Variants in SPECC1L observed in about 807,000 individuals in gnomAD.
SPECC1L encodes sperm antigen with calponin homology and coiled-coil domains 1 like.
In SPECC1L, 40 loss-of-function variants were observed where a neutral mutation model predicts 116.8. The observed-to-expected ratio is 0.34, with a 90% CI of 0.27 to 0.45. The LOEUF (loss-of-function observed/expected upper bound fraction) is 0.45, where lower values mean the gene tolerates loss of function less well. SPECC1L is among the 20% of genes least tolerant of loss of function. SPECC1L has a pLI of 1.00. For synonymous variants in SPECC1L, 504 were observed against 500.6 expected (o/e 1.01, Z -0.09); for missense variants, 1,110 against 1,373.6 (o/e 0.81, Z 3.03).
At chr22:24,284,032 A>G (rs1174842132) in intron 2 of SPECC1L, among the ~76,000 whole-genome samples, 1 of 152,030 alleles carries the variant, frequency 6.6e-6, no homozygotes, top group African/African-American at 2.4e-5. Flanking sequence ...TGATCCTCTC[A>G]ACCCATTTTT....
chr22:24,313,142 T>C (rs1201203022), intron 3 of SPECC1L, among the ~76,000 whole-genome samples, 171 bp from the exon 4 acceptor site: 1 of 152,232 alleles, frequency 6.6e-6, no homozygotes, highest in Non-Finnish European at 1.5e-5. Flanking sequence ...TATAAACCTA[T>C]AAAGAAGTTC....
At chr22:24,344,552 C>T (rs2041249480) in intron 10 of SPECC1L, among the ~76,000 whole-genome samples, 1 of 145,138 alleles carries the variant, frequency 6.9e-6, no homozygotes, top group Admixed American at 7.0e-5. Context: ...TTTTGTTCAG[C>T]ATTTTGCTGG....
In SPECC1L at chr22:24,412,708, G is replaced by A; in HGVS notation, c.3264+1G>A. ...AAGTGTCGGCATCAAATCCACACTG[G>A]TGAGCCCTTGTCCCCCTGAGTCACT... On this transcript the variant is annotated splice_donor_variant, in intron 16 of 16. Coordinates refer to ENST00000314328, the MANE Select transcript of SPECC1L (RefSeq NM_015330.6). LOFTEE classifies it high-confidence loss of function. 1 of 1,614,060 alleles carries A rather than the reference G, an allele frequency of 6.2e-7. No homozygotes were observed. Among genetic ancestry groups the A allele is most frequent in the Non-Finnish European group, 8.5e-7 (1 of 1,180,016 alleles).
intron 14 of SPECC1L, among the ~76,000 whole-genome samples, chr22:24,406,456 A>G (rs540054842): frequency 3.7e-4 from 57 of 152,322 alleles, no homozygotes; most frequent in Admixed American, 3.7e-3. Context: ...AAGGAGGCTG[A>G]GGCTCCAAGA....
At chr22:24,388,606 TG>T (rs1358355189) in intron 14 of SPECC1L, among the ~76,000 whole-genome samples, 5 of 152,106 alleles carry the variant, frequency 3.3e-5, no homozygotes, top group Non-Finnish European at 7.4e-5. Flanking sequence ...TATCCAGTAA[TG>T]GGATGGCTGG....
intron 14 of SPECC1L, among the ~76,000 whole-genome samples, chr22:24,371,431 C>T (rs759306670): frequency 2.6e-5 from 4 of 152,034 alleles, no homozygotes; most frequent in Non-Finnish European, 4.4e-5. Flanking sequence ...TGGGCAGCAT[C>T]GGGAGGCCCT....
intron 16 of SPECC1L, among the ~76,000 whole-genome samples, chr22:24,414,259 T>G (rs1228127064): frequency 6.6e-6 from 1 of 152,090 alleles, no homozygotes; most frequent in Non-Finnish European, 1.5e-5. Context: ...AGGAAGTTCC[T>G]CCGCCCAGAC....
chr22:24,400,613 ACT>A (rs2042454686), intron 14 of SPECC1L, among the ~76,000 whole-genome samples: 1 of 151,912 alleles, frequency 6.6e-6, no homozygotes, highest in East Asian at 1.9e-4. Context: ...CCGTATATTA[ACT>A]CTGTGTTTAA....
rs567301085 is a variant in SPECC1L, at chr22:24,395,796, G to A, written c.3088-15792G>A. ...GGGATCAACAGGCATGCACCACCAC[G>A]TCTGGCTAATTTTTTTGCATTTTTA... is the stretch of plus-strand genomic sequence containing the variant. On this transcript the variant is annotated intron_variant, in intron 14 of 16. Coordinates refer to ENST00000314328, the MANE Select transcript of SPECC1L (RefSeq NM_015330.6). Among the ~76,000 whole-genome samples the A allele has an allele frequency of 1.9e-4, 29 of 152,174 alleles. No individual in the cohort carries two copies. In the South Asian group the frequency reaches 5.0e-3, roughly 26 times the overall value.
intron 4 of SPECC1L, among the ~76,000 whole-genome samples, chr22:24,314,867 T>A (rs1034690947): frequency 6.6e-6 from 1 of 152,238 alleles, no homozygotes; most frequent in Non-Finnish European, 1.5e-5. Flanking sequence ...TTAAATGATG[T>A]TAGAAGCCTC....
At chr22:24,374,125 G>T (rs1193675300) in intron 14 of SPECC1L, among the ~76,000 whole-genome samples, 3 of 151,978 alleles carry the variant, frequency 2.0e-5, no homozygotes, top group Admixed American at 2.0e-4. Context: ...GGAAACAACA[G>T]GTGCTGGAGA....
At chr22:24,272,490 T>C (rs2048748546) in intron 1 of SPECC1L, among the ~76,000 whole-genome samples, 1 of 152,122 alleles carries the variant, frequency 6.6e-6, no homozygotes, top group South Asian at 2.1e-4. Flanking sequence ...CTGGCCAACA[T>C]GGTGAAACCC....
chr22:24,388,080 T>A (rs9712984), intron 14 of SPECC1L, among the ~76,000 whole-genome samples: 4,980 of 151,800 alleles, frequency 0.033, 91 homozygotes, highest in Middle Eastern at 0.048. Flanking sequence ...AAATTCTTTT[T>A]TTATTATTAT....
rs199858278 is a variant in SPECC1L, at chr22:24,321,847, T to C, written c.867T>C (p.Phe289=). 1.2e-6 allele frequency: 2 copies of C among 1,614,090 alleles called. No homozygotes were observed. Among genetic ancestry groups the C allele is most frequent in the African/African-American group, 2.7e-5 (2 of 74,936 alleles). The change falls in exon 5 of 17, where the codon TTT becomes TTC. Residue 289 remains phenylalanine (F), a synonymous_variant. Transcript: ENST00000314328. ...GGTTAGACAATTCTGAAAAACTGTTTGGCTATCAGTCCCTGAGCCCAGAAA... is the reference window on the plus strand; with the variant it reads ...GGTTAGACAATTCTGAAAAACTGTTCGGCTATCAGTCCCTGAGCCCAGAAA... The part of the protein sequence containing the change: ...EQRLDNSEKL[F]GYQSLSPEIT...
At chr22:24,308,610 G>A (rs551811172) in intron 3 of SPECC1L, among the ~76,000 whole-genome samples, 2 of 152,286 alleles carry the variant, frequency 1.3e-5, no homozygotes, top group Admixed American at 6.5e-5. Context: ...TAATTAATAA[G>A]TAGCTTGTCA....
chr22:24,414,743 G>T lies in SPECC1L; in HGVS notation c.*120G>T. 1 of 837,600 alleles carries T rather than the reference G, an allele frequency of 1.2e-6. No homozygotes were observed. The highest frequency in any genetic ancestry group is 1.4e-5 in the South Asian group (1 of 70,228). 51.9% of individuals were successfully genotyped at this position (837,600 alleles called of 1,614,324 possible). ...CAGCAACTCTGGGCTGCCCCACAGCGTGTGAGCCTCCAGCTCGGGGCTTCC... is the reference window on the plus strand; with the variant it reads ...CAGCAACTCTGGGCTGCCCCACAGCTTGTGAGCCTCCAGCTCGGGGCTTCC... On this transcript the variant is annotated 3_prime_UTR_variant, in exon 17 of 17. Transcript: ENST00000314328.
intron 14 of SPECC1L, among the ~76,000 whole-genome samples, chr22:24,371,722 G>C (rs972121540): frequency 6.6e-6 from 1 of 152,170 alleles, no homozygotes; most frequent in South Asian, 2.1e-4. Context: ...TTGATTGATT[G>C]ATTGATTGAT....
chr22:24,276,247 A>G (rs1327518365), intron 1 of SPECC1L, among the ~76,000 whole-genome samples: 1 of 151,972 alleles, frequency 6.6e-6, no homozygotes. Flanking sequence ...AGGTGTATGT[A>G]CCCTAGAACT....
intron 14 of SPECC1L, among the ~76,000 whole-genome samples, chr22:24,371,425 C>T (rs1446685707): frequency 5.3e-5 from 8 of 152,080 alleles, no homozygotes; most frequent in African/African-American, 9.7e-5. Flanking sequence ...CCAGCCTGGG[C>T]AGCATCGGGA....
Sources: allele counts gnomAD v4.1 joint callset (sites outside exome capture counted in the v4.1 genomes callset), GRCh38; gene constraint gnomAD v4.1.1; transcripts MANE v1.5; gene names NCBI Gene and HGNC (gene_info 2026-07-23, HGNC 2026-07-21).